The following CNIH3 variants were observed in gnomAD, a reference collection of about 807,000 sequenced individuals.
CNIH3 encodes cornichon family AMPA receptor auxiliary protein 3, also known as protein cornichon homolog 3.
In CNIH3, 14 loss-of-function variants were observed where a neutral mutation model predicts 24.1. The observed-to-expected ratio is 0.58, with a 90% CI of 0.38 to 0.91. CNIH3 has a LOEUF of 0.91. Ranked by LOEUF, CNIH3 falls within the 40% of genes least tolerant of loss-of-function variation. The pLI is 0.00. For missense variants in CNIH3, 178 were observed against 196.8 expected (o/e 0.90, Z 0.57); for synonymous variants, 68 against 73.8 (o/e 0.92, Z 0.40).
chr1:224,494,429 T>C (rs1677352668), intron 1 of CNIH3, among the ~76,000 whole-genome samples: 1 of 152,142 alleles, frequency 6.6e-6, no homozygotes, highest in Non-Finnish European at 1.5e-5. Flanking sequence ...TGCTACATCT[T>C]GTGTTCCCCC....
chr1:224,508,724 T>A (rs1440988355), intron 1 of CNIH3, among the ~76,000 whole-genome samples: 1 of 152,212 alleles, frequency 6.6e-6, no homozygotes, highest in Non-Finnish European at 1.5e-5. Context: ...ATAGTACAAC[T>A]CTAACTTCCA....
intron 2 of CNIH3, among the ~76,000 whole-genome samples, chr1:224,523,804 T>G (rs1219824267): frequency 6.6e-6 from 1 of 152,164 alleles, no homozygotes; most frequent in Non-Finnish European, 1.5e-5. Context: ...TAATTATCCC[T>G]GAGCTGCAGG....
chr1:224,637,396 T>C (rs1684145925), intron 1 of CNIH3, among the ~76,000 whole-genome samples: 1 of 135,770 alleles, frequency 7.4e-6, no homozygotes, highest in Non-Finnish European at 1.6e-5. Flanking sequence ...CCCCCCAAGT[T>C]AGTTCTCCTG....
At chr1:224,619,337 C>G (rs1459470439) in intron 1 of CNIH3, among the ~76,000 whole-genome samples, 4 of 152,230 alleles carry the variant, frequency 2.6e-5, no homozygotes, top group Non-Finnish European at 5.9e-5. Context: ...ATGCTCACCC[C>G]CTTATCGAGG....
rs139315288 is a variant in CNIH3, at chr1:224,673,571, G to A, written c.82-7387G>A. On this transcript the variant is annotated intron_variant, in intron 1 of 5. Coordinates refer to ENST00000272133, the MANE Select transcript of CNIH3 (RefSeq NM_152495.2). ...TCAGCTTGAAAGATACCTCGTCAGA[G>A]AGGCTTCCCTGATCACTTCCCTCTC... is the stretch of plus-strand genomic sequence containing the variant. Among the ~76,000 whole-genome samples, 513 of 152,272 alleles carry A rather than the reference G, an allele frequency of 3.4e-3. 2 individuals carry two copies. The highest frequency in any genetic ancestry group is 0.012 in the African/African-American group (491 of 41,546).
chr1:224,568,066 C>T (rs376652705), intron 4 of CNIH3, among the ~76,000 whole-genome samples: 9 of 151,996 alleles, frequency 5.9e-5, no homozygotes, highest in Non-Finnish European at 1.0e-4. Context: ...ACAAGGCGGG[C>T]GGATCACGAG....
intron 1 of CNIH3, among the ~76,000 whole-genome samples, chr1:224,658,580 C>A (rs1482804553): frequency 6.6e-6 from 1 of 151,732 alleles, no homozygotes; most frequent in Non-Finnish European, 1.5e-5. Flanking sequence ...AATAGTTATT[C>A]ATTTAGCCAG....
chr1:224,487,645 AT>A (rs558374348), intron 1 of CNIH3, among the ~76,000 whole-genome samples: 138 of 152,354 alleles, frequency 9.1e-4, no homozygotes, highest in Non-Finnish European at 1.2e-3. Flanking sequence ...AACAGTGAAA[AT>A]TGTATAGAAG....
intron 2 of CNIH3, among the ~76,000 whole-genome samples, chr1:224,683,793 C>T (rs115020118): frequency 0.015 from 2,359 of 152,272 alleles, 62 homozygotes; most frequent in African/African-American, 0.054. Context: ...GGAGCTAGTG[C>T]GTGTCTTGTA....
chr1:224,674,436 A>G (rs757749882), intron 1 of CNIH3, among the ~76,000 whole-genome samples: 12 of 152,082 alleles, frequency 7.9e-5, no homozygotes, highest in South Asian at 2.1e-4. Context: ...GAGTGTTTCT[A>G]TAGTTTCCCA....
chr1:224,605,500 G>A (rs1414923792), intron 3 of CNIH3, among the ~76,000 whole-genome samples: 1 of 152,128 alleles, frequency 6.6e-6, no homozygotes, highest in Non-Finnish European at 1.5e-5. Flanking sequence ...CTAATGAAAG[G>A]CCACCAAGTT....
exon 3 of CNIH3, chr1:224,546,916 T>G: frequency 1.0e-6 from 1 of 985,208 alleles, no homozygotes; most frequent in Non-Finnish European, 1.2e-6. Flanking sequence ...GCACATATTT[T>G]TAGTGACAAA....
intron 1 of CNIH3, among the ~76,000 whole-genome samples, chr1:224,677,151 T>C (rs991232076): frequency 3.3e-5 from 5 of 152,206 alleles, no homozygotes; most frequent in African/African-American, 1.2e-4. Flanking sequence ...GTAGGTACTA[T>C]TATTGGTTCC....
intron 1 of CNIH3, among the ~76,000 whole-genome samples, chr1:224,441,114 C>T (rs1464814882): frequency 6.6e-6 from 1 of 152,116 alleles, no homozygotes; most frequent in Non-Finnish European, 1.5e-5. Flanking sequence ...CCGTGCCCGG[C>T]CAGTATGAAG....
At chr1:224,498,752 G>C (rs1181287225) in intron 1 of CNIH3, among the ~76,000 whole-genome samples, 1 of 152,240 alleles carries the variant, frequency 6.6e-6, no homozygotes, top group East Asian at 1.9e-4. Context: ...CGCTGCTTCA[G>C]CACAGGGGAA....
chr1:224,451,142 G>C lies in CNIH3; in HGVS notation n.203+16280G>C, dbSNP rs193281591. On this transcript the variant is annotated intron_variant and non_coding_transcript_variant, in intron 1 of 5. Coordinates refer to the CNIH3 transcript ENST00000471578. ...GGTATGGCCGAGGGTTATGTAACAA[G>C]AGCTGTTCCTAGTGCAGTTGGCTCC... 5.5e-3 allele frequency among the ~76,000 whole-genome samples: 842 copies of C among 152,286 alleles called. 33 individuals are homozygous for C. The highest frequency in any genetic ancestry group is 1.9e-3 in the Non-Finnish European group (128 of 68,028).
chr1:224,635,940 C>T (rs1684068324), intron 1 of CNIH3, among the ~76,000 whole-genome samples: 1 of 152,204 alleles, frequency 6.6e-6, no homozygotes, highest in Non-Finnish European at 1.5e-5. Context: ...TCTTGAACTC[C>T]TGGCTTCAAG....
At position 224,616,334 on chromosome 1, in the gene CNIH3, G is replaced by GGCGGCGGCGGCGGCGGCGGCGGCGGCA. The variant is rs1301693507; in HGVS notation, c.-827_-826insGGCGGCGGCGGCAGCGGCGGCGGCGGC. On this transcript the variant is annotated 5_prime_UTR_variant, in exon 1 of 6. Transcript: ENST00000272133. ...CAGTTCTCGCAGTGGCAAAGGCGGC[G>GGCGGCGGCGGCGGCGGCGGCGGCGGCA]GCGGCGGCGGCGGCAGCGGCAGCAG... 1 of 413,880 alleles carries GGCGGCGGCGGCGGCGGCGGCGGCGGCA rather than the reference G, an allele frequency of 2.4e-6. No individual in the cohort carries two copies. Among genetic ancestry groups the GGCGGCGGCGGCGGCGGCGGCGGCGGCA allele is most frequent in the African/African-American group, 2.2e-5 (1 of 45,522 alleles). The allele number at this position is 413,880 out of a possible 1,614,324, so 25.6% of individuals were successfully genotyped here.
intron 1 of CNIH3, among the ~76,000 whole-genome samples, chr1:224,653,547 T>C (rs892913646): frequency 1.4e-4 from 22 of 152,252 alleles, no homozygotes; most frequent in Non-Finnish European, 3.1e-4. Flanking sequence ...AATGGAGTTT[T>C]GGGTATTTCT....
Sources: allele counts gnomAD v4.1 joint callset (sites outside exome capture counted in the v4.1 genomes callset), GRCh38; gene constraint gnomAD v4.1.1; transcripts MANE v1.5; gene names NCBI Gene and HGNC (gene_info 2026-07-23, HGNC 2026-07-21).